The following AFG1L variants were observed in gnomAD, a reference collection of about 807,000 sequenced individuals.
AFG1L encodes AFG1 like ATPase.
Under a neutral mutation model 62.2 loss-of-function variants are expected in AFG1L, and 53 were observed. The observed-to-expected ratio is 0.85, with a 90% confidence interval of 0.68 to 1.07. AFG1L has a LOEUF of 1.07. Among genes scored for constraint, AFG1L ranks in the 50% least tolerant of loss-of-function variants. The probability of loss-of-function intolerance (pLI) is 0.00; values close to 1 mark genes in which losing one functional copy is unlikely to be tolerated. For synonymous variants in AFG1L, 228 were observed against 210.3 expected (o/e 1.08, Z -0.73); for missense variants, 555 against 590.5 (o/e 0.94, Z 0.62).
intron 8 of AFG1L, among the ~76,000 whole-genome samples, chr6:108,455,313 C>G (rs1230512594): frequency 1.3e-5 from 2 of 152,104 alleles, no homozygotes. Flanking sequence ...TTTAATAGAA[C>G]TATTCTCTTC....
At chr6:108,515,678 C>CA (rs1336065463) in intron 11 of AFG1L, among the ~76,000 whole-genome samples, 1 of 151,972 alleles carries the variant, frequency 6.6e-6, no homozygotes, top group Non-Finnish European at 1.5e-5. Context: ...AATAGAGACA[C>CA]AAAAAACCCT....
At chr6:108,354,561 T>G (rs551849480) in intron 3 of AFG1L, among the ~76,000 whole-genome samples, 8 of 152,242 alleles carry the variant, frequency 5.3e-5, no homozygotes, top group African/African-American at 1.9e-4. Context: ...CACCTTGGCC[T>G]CCCAAAGTGC....
intron 6 of AFG1L, among the ~76,000 whole-genome samples, chr6:108,368,475 G>T (rs536195519): frequency 1.3e-5 from 2 of 152,220 alleles, no homozygotes; most frequent in East Asian, 3.9e-4. Flanking sequence ...TACTACAAAA[G>T]AATTATGAGT....
At chr6:108,311,529 T>C (rs1693850341) in intron 1 of AFG1L, among the ~76,000 whole-genome samples, 2 of 152,180 alleles carry the variant, frequency 1.3e-5, no homozygotes, top group Non-Finnish European at 2.9e-5. Context: ...GTTTTGTTTT[T>C]GTTTTTCTTT....
intron 6 of AFG1L, among the ~76,000 whole-genome samples, chr6:108,393,351 G>A (rs541942760): frequency 8.5e-5 from 13 of 152,102 alleles, no homozygotes; most frequent in South Asian, 2.1e-4. Context: ...AATTTAATGC[G>A]TATGGTCCAT....
intron 6 of AFG1L, among the ~76,000 whole-genome samples, chr6:108,371,339 G>A (rs987426140): frequency 2.0e-5 from 3 of 152,070 alleles, no homozygotes; most frequent in African/African-American, 7.2e-5. Flanking sequence ...CTTTTTGGGA[G>A]GCCTAGGCAG....
At chr6:108,486,520 GTCAGGC>G (rs1773581278) in intron 10 of AFG1L, among the ~76,000 whole-genome samples, 6 of 152,052 alleles carry the variant, frequency 3.9e-5, no homozygotes, top group Admixed American at 3.3e-4. Flanking sequence ...ATATTATTGA[GTCAGGC>G]AAAAGATTTT....
chr6:108,436,862 G>A (rs892868204), intron 7 of AFG1L, among the ~76,000 whole-genome samples: 3 of 152,146 alleles, frequency 2.0e-5, no homozygotes, highest in Admixed American at 2.0e-4. Context: ...TACATTTAAG[G>A]ATCTTAGAAT....
intron 7 of AFG1L, among the ~76,000 whole-genome samples, chr6:108,445,633 T>G (rs113278380): frequency 2.3e-5 from 3 of 130,088 alleles, no homozygotes; most frequent in South Asian, 2.5e-4. Flanking sequence ...ACACCTAAGG[T>G]GAGAGAGAGA....
intron 1 of AFG1L, among the ~76,000 whole-genome samples, chr6:108,302,732 A>G (rs540628525): frequency 5.4e-4 from 83 of 152,320 alleles, no homozygotes; most frequent in South Asian, 1.2e-3. Flanking sequence ...ACCTTGGTAA[A>G]ATAACCAGTT....
chr6:108,379,895 C>T (rs1780421516), intron 6 of AFG1L, among the ~76,000 whole-genome samples: 1 of 151,860 alleles, frequency 6.6e-6, no homozygotes, highest in South Asian at 2.1e-4. Flanking sequence ...GGAGATCTGC[C>T]TGGTTGTGAG....
chr6:108,374,759 T>C (rs759972997), intron 6 of AFG1L, among the ~76,000 whole-genome samples: 2 of 152,228 alleles, frequency 1.3e-5, no homozygotes, highest in Non-Finnish European at 2.9e-5. Context: ...TGAAGTTGGT[T>C]AATGTGATGC....
At position 108,401,979 on chromosome 6, in the gene AFG1L, T is replaced by C. The variant is rs1241905587; in HGVS notation, c.749-17T>C. ...ATTTAGGCTAAGCAAAAAACTAATA[T>C]CATTTTTTTCTTTCAGATCTCTATA... On this transcript the variant is annotated splice_polypyrimidine_tract_variant and intron_variant, in intron 6 of 12. Coordinates refer to ENST00000368977, the MANE Select transcript of AFG1L (RefSeq NM_145315.5). The C allele has an allele frequency of 3.1e-6, 4 of 1,269,966 alleles. No individual in the cohort carries two copies. Among genetic ancestry groups the C allele is most frequent in the South Asian group, 1.4e-5 (1 of 72,606 alleles). 78.7% of individuals were successfully genotyped at this position (1,269,966 alleles called of 1,614,324 possible). A position where few individuals can be genotyped will look rare whatever the true frequency, so the allele number is the denominator to read the frequency against.
In AFG1L at chr6:108,349,364, GT is replaced by G. The variant is rs538335238; in HGVS notation, c.415+2326del. Among the ~76,000 whole-genome samples, 900 of 152,154 alleles carry G rather than the reference GT, an allele frequency of 5.9e-3. 28 individuals carry two copies. Among genetic ancestry groups the G allele is most frequent in the Admixed American group, 0.05 (768 of 15,278 alleles). ...CCTGGTGTGGTGGCATGTGCCTATAGTCCCAATTACTCGAGAGGCTAAGGTG... is the reference window on the plus strand; with the variant it reads ...CCTGGTGTGGTGGCATGTGCCTATAGCCCAATTACTCGAGAGGCTAAGGTG... On this transcript the variant is annotated intron_variant, in intron 3 of 12. Coordinates refer to ENST00000368977, the MANE Select transcript of AFG1L (RefSeq NM_145315.5).
chr6:108,315,060 T>C (rs601379), intron 1 of AFG1L, among the ~76,000 whole-genome samples: 45,040 of 151,758 alleles, frequency 0.3, 10,036 homozygotes, highest in African/African-American at 0.62. Flanking sequence ...AGGCTGGCTT[T>C]AAGTGATCAC....
At chr6:108,455,323 C>T (rs1772211907) in intron 8 of AFG1L, among the ~76,000 whole-genome samples, 1 of 152,090 alleles carries the variant, frequency 6.6e-6, no homozygotes, top group Non-Finnish European at 1.5e-5. Flanking sequence ...CTATTCTCTT[C>T]ACATGTGTTT....
intron 2 of AFG1L, among the ~76,000 whole-genome samples, chr6:108,324,266 A>C (rs905581159): frequency 6.6e-6 from 1 of 152,226 alleles, no homozygotes; most frequent in African/African-American, 2.4e-5. Context: ...GTATTTAAAA[A>C]ATGCAGTCCA....
intron 2 of AFG1L, among the ~76,000 whole-genome samples, chr6:108,340,509 C>T (rs923017142): frequency 2.0e-5 from 3 of 151,946 alleles, no homozygotes; most frequent in African/African-American, 4.8e-5. Flanking sequence ...GGATTACAGG[C>T]GTGTGCCACC....
At chr6:108,514,589 C>G (rs1052420610) in intron 11 of AFG1L, among the ~76,000 whole-genome samples, 4 of 152,234 alleles carry the variant, frequency 2.6e-5, no homozygotes, top group South Asian at 4.1e-4. Context: ...ACTGCATCCA[C>G]TAACGAGCAA....
Sources: allele counts gnomAD v4.1 joint callset (sites outside exome capture counted in the v4.1 genomes callset), GRCh38; gene constraint gnomAD v4.1.1; transcripts MANE v1.5; gene names NCBI Gene and HGNC (gene_info 2026-07-23, HGNC 2026-07-21).